Variants in SAMD5 observed in about 807,000 individuals in gnomAD.
SAMD5 encodes the protein sterile alpha motif domain containing 5, also known as sterile alpha motif domain-containing protein 5.
SAMD5 carries 13 observed loss-of-function variants against 11.3 expected under a neutral mutation model. The ratio of observed to expected loss-of-function variants is 1.15; its 90% CI spans 0.75 to 1.83. The LOEUF (loss-of-function observed/expected upper bound fraction) is 1.83. Ranked by LOEUF, SAMD5 falls within the 40% of genes most tolerant of loss-of-function variation. SAMD5 has a pLI of 0.00. For missense variants in SAMD5, 255 were observed against 239.1 expected, an observed-to-expected ratio of 1.07 and a Z score of -0.44; for synonymous variants, 129 against 111.3, an observed-to-expected ratio of 1.16 and a Z score of -1.00.
chr6:147,914,580 T>C, the SAMD5 span, among the ~76,000 whole-genome samples: 1 of 152,160 alleles, frequency 6.6e-6, no homozygotes, highest in African/African-American at 2.4e-5. Context: ...AGTCAGCCTT[T>C]TGCAGCCATC....
the SAMD5 span, among the ~76,000 whole-genome samples, chr6:147,834,486 T>A: frequency 6.6e-6 from 1 of 152,174 alleles, no homozygotes; most frequent in Admixed American, 6.5e-5. Context: ...ACCGGAGTGA[T>A]AAGAAACACA....
At chr6:147,551,530 C>T (rs1338081858) in intron 1 of SAMD5, among the ~76,000 whole-genome samples, 1 of 151,864 alleles carries the variant, frequency 6.6e-6, no homozygotes, top group East Asian at 1.9e-4. Context: ...TTTCTACCCC[C>T]AATCTGAATG....
At chr6:147,769,315 A>G in the SAMD5 span, among the ~76,000 whole-genome samples, 11 of 152,288 alleles carry the variant, frequency 7.2e-5, no homozygotes, top group South Asian at 2.3e-3. Context: ...ATTTCATTTC[A>G]ATACCATTAA....
intron 1 of SAMD5, among the ~76,000 whole-genome samples, chr6:147,541,118 A>T (rs574278366): frequency 6.6e-6 from 1 of 151,210 alleles, no homozygotes; most frequent in Admixed American, 6.6e-5. Flanking sequence ...CCTGGATAAT[A>T]TTTGTATTTT....
At chr6:147,920,837 T>C in the SAMD5 span, among the ~76,000 whole-genome samples, 1 of 152,148 alleles carries the variant, frequency 6.6e-6, no homozygotes, top group Admixed American at 6.5e-5. Context: ...ACACTGTAGG[T>C]GGTGAGTAAC....
intron 1 of SAMD5, among the ~76,000 whole-genome samples, chr6:147,517,633 T>C (rs1381363677): frequency 6.6e-6 from 1 of 152,204 alleles, no homozygotes; most frequent in East Asian, 1.9e-4. Flanking sequence ...AAATAGTCAC[T>C]TGGAAGATCA....
chr6:147,564,000 C>T (rs1788995216), intron 1 of SAMD5, among the ~76,000 whole-genome samples: 1 of 152,222 alleles, frequency 6.6e-6, no homozygotes, highest in Admixed American at 6.5e-5. Context: ...TGGAATGTCT[C>T]ACAATGTATT....
At chr6:147,863,242 C>A in the SAMD5 span, among the ~76,000 whole-genome samples, 1 of 152,104 alleles carries the variant, frequency 6.6e-6, no homozygotes, top group Non-Finnish European at 1.5e-5. Context: ...TCCAAACTCA[C>A]GTTGGGGACT....
intron 1 of SAMD5, among the ~76,000 whole-genome samples, chr6:147,722,310 G>A (rs1184431253): frequency 6.6e-6 from 1 of 151,280 alleles, no homozygotes; most frequent in Non-Finnish European, 1.5e-5. Flanking sequence ...AATTAGCATT[G>A]TATATAGATG....
At position 147,564,678 on chromosome 6, in the gene SAMD5, G is replaced by C; in HGVS notation, c.*222G>C. 7.9e-7 allele frequency: 1 copy of C among 1,264,378 alleles called. No individual in the cohort carries two copies. The highest frequency in any genetic ancestry group is 1.0e-6 in the Non-Finnish European group (1 of 1,001,542). 78.3% of individuals were successfully genotyped at this position (1,264,378 alleles called of 1,614,324 possible). On this transcript the variant is annotated 3_prime_UTR_variant, in exon 2 of 2. Transcript: ENST00000367474. Reference sequence around the variant, plus strand: ...GCAGTGAACTATCACGCATAAAGAAGTATTGAGTTCATTTTTTTAAGAAGA... The same window carrying C: ...GCAGTGAACTATCACGCATAAAGAACTATTGAGTTCATTTTTTTAAGAAGA...
intron 1 of SAMD5, among the ~76,000 whole-genome samples, chr6:147,554,924 A>AAC (rs1212213528): frequency 6.6e-6 from 1 of 152,176 alleles, no homozygotes; most frequent in Non-Finnish European, 1.5e-5. Context: ...ATTATTGCAT[A>AAC]ACAATACTAT....
chr6:147,904,606 T>G, the SAMD5 span, among the ~76,000 whole-genome samples: 3 of 152,210 alleles, frequency 2.0e-5, no homozygotes. Context: ...CCAGATTCCT[T>G]TGTCACAAAA....
At chr6:147,803,524 T>C in the SAMD5 span, among the ~76,000 whole-genome samples, 1 of 152,314 alleles carries the variant, frequency 6.6e-6, no homozygotes, top group Non-Finnish European at 1.5e-5. Flanking sequence ...GTTCCCACTG[T>C]CCACATGCCC....
chr6:147,582,310 T>G (rs1562326226), intron 1 of SAMD5, among the ~76,000 whole-genome samples: 1 of 145,024 alleles, frequency 6.9e-6, no homozygotes, highest in Non-Finnish European at 1.5e-5. Context: ...GAGGTTGCAA[T>G]GAGCTGAGAT....
At chr6:147,757,200 G>A in the SAMD5 span, among the ~76,000 whole-genome samples, 1 of 152,118 alleles carries the variant, frequency 6.6e-6, no homozygotes, top group South Asian at 2.1e-4. Flanking sequence ...GAGACACTTT[G>A]CATAAACATG....
chr6:147,772,002 A>G, the SAMD5 span, among the ~76,000 whole-genome samples: 11 of 152,268 alleles, frequency 7.2e-5, no homozygotes, highest in African/African-American at 2.4e-4. Context: ...GTTTTTTCTG[A>G]AAAAGAGAGT....
intron 1 of SAMD5, among the ~76,000 whole-genome samples, chr6:147,646,054 C>A (rs62436298): frequency 0.18 from 20,566 of 116,386 alleles, 1,475 homozygotes; most frequent in African/African-American, 0.24. Context: ...ATCTATCTAT[C>A]TATCTATCTA....
chr6:147,700,225 A>G (rs1194089382), intron 1 of SAMD5, among the ~76,000 whole-genome samples: 1 of 152,202 alleles, frequency 6.6e-6, no homozygotes, highest in East Asian at 1.9e-4. Flanking sequence ...GATAAATCTA[A>G]TTTTCAAACC....
chr6:147,858,710 T>C, the SAMD5 span, among the ~76,000 whole-genome samples: 1 of 152,212 alleles, frequency 6.6e-6, no homozygotes, highest in Non-Finnish European at 1.5e-5. Flanking sequence ...TTAAGCTAAG[T>C]GAGAACTCTA....
Sources: gnomAD v4.1 joint callset for allele counts (sites outside exome capture counted in the v4.1 genomes callset) on GRCh38, gnomAD v4.1.1 for gene constraint, MANE v1.5 for transcripts, NCBI Gene and HGNC (gene_info 2026-07-23, HGNC 2026-07-21) for gene names.